GRM7: variants seen among roughly 807,000 people sequenced by gnomAD.
GRM7 encodes the protein glutamate metabotropic receptor 7, also known as metabotropic glutamate receptor 7.
Under a neutral mutation model 84.5 loss-of-function variants are expected in GRM7, and 35 were observed. The ratio of observed to expected loss-of-function variants is 0.41; its 90% CI spans 0.32 to 0.55. The LOEUF (loss-of-function observed/expected upper bound fraction) is 0.55, where lower values mean the gene tolerates loss of function less well. Ranked by LOEUF, GRM7 falls within the 20% of genes least tolerant of loss-of-function variation. GRM7 has a pLI of 0.19. For missense variants in GRM7, 1,003 were observed against 1,194.6 expected (o/e 0.84, Z 2.36); for synonymous variants, 487 against 455.1 (o/e 1.07, Z -0.89).
chr3:6,988,824 A>T (rs1694523397), intron 1 of GRM7, among the ~76,000 whole-genome samples: 1 of 152,196 alleles, frequency 6.6e-6, no homozygotes, highest in African/African-American at 2.4e-5. Flanking sequence ...AAAGTTGGCT[A>T]TGTCTTCACT....
At chr3:7,004,073 A>G (rs898716201) in intron 1 of GRM7, among the ~76,000 whole-genome samples, 5 of 152,176 alleles carry the variant, frequency 3.3e-5, no homozygotes, top group Admixed American at 6.5e-5. Flanking sequence ...CCCCCAGAAT[A>G]AGTGATCCCA....
At chr3:7,389,474 C>T (rs1287422324) in intron 4 of GRM7, among the ~76,000 whole-genome samples, 1 of 151,946 alleles carries the variant, frequency 6.6e-6, no homozygotes, top group Non-Finnish European at 1.5e-5. Context: ...AAGTTTCCCA[C>T]TCTTATTTTG....
intron 8 of GRM7, among the ~76,000 whole-genome samples, chr3:7,585,604 G>A (rs1244795011): frequency 6.6e-6 from 1 of 151,966 alleles, no homozygotes; most frequent in Non-Finnish European, 1.5e-5. Flanking sequence ...CTGCTAAAAG[G>A]GAAGACTCAA....
intron 2 of GRM7, among the ~76,000 whole-genome samples, chr3:7,176,697 T>A (rs771556443): frequency 2.6e-5 from 4 of 152,194 alleles, no homozygotes. Context: ...TGTCTCTTCC[T>A]TGTCTCTTAG....
chr3:7,386,103 C>A (rs1485426799), intron 4 of GRM7, among the ~76,000 whole-genome samples: 1 of 152,124 alleles, frequency 6.6e-6, no homozygotes, highest in Non-Finnish European at 1.5e-5. Context: ...GATTACCATG[C>A]AAGCCAAAAT....
At chr3:7,262,498 G>A (rs1352302001) in intron 2 of GRM7, among the ~76,000 whole-genome samples, 1 of 152,114 alleles carries the variant, frequency 6.6e-6, no homozygotes, top group Admixed American at 6.5e-5. Flanking sequence ...GTCAGTTTCG[G>A]TATCATTTTA....
intron 9 of GRM7, among the ~76,000 whole-genome samples, chr3:7,702,487 C>G (rs910498428): frequency 6.6e-6 from 1 of 152,218 alleles, no homozygotes; most frequent in Non-Finnish European, 1.5e-5. Flanking sequence ...ACATTTTAAT[C>G]TGGCTTCAAA....
At chr3:7,007,067 A>G (rs338090) in intron 1 of GRM7, among the ~76,000 whole-genome samples, 151,302 of 152,308 alleles carry the variant, frequency 0.99, 75,157 homozygotes, top group African/African-American at 1. Context: ...ATATTGGTTC[A>G]AGGTATTTCT....
chr3:7,347,196 C>T (rs1267878135), intron 4 of GRM7, among the ~76,000 whole-genome samples: 1 of 151,920 alleles, frequency 6.6e-6, no homozygotes, highest in South Asian at 2.1e-4. Flanking sequence ...AAGATGGCTC[C>T]GAAATTTAAA....
chr3:7,508,589 T>C (rs1700103858), intron 7 of GRM7, among the ~76,000 whole-genome samples: 1 of 152,174 alleles, frequency 6.6e-6, no homozygotes, highest in African/African-American at 2.4e-5. Flanking sequence ...AGCAATATCA[T>C]GGTGAGTCTG....
At chr3:7,542,051 T>C (rs1206254576) in intron 7 of GRM7, among the ~76,000 whole-genome samples, 1 of 152,148 alleles carries the variant, frequency 6.6e-6, no homozygotes. Flanking sequence ...TGTCTCTTTG[T>C]CTCTATTTTC....
chr3:7,431,630 T>C (rs1696833846), intron 5 of GRM7, among the ~76,000 whole-genome samples: 1 of 152,230 alleles, frequency 6.6e-6, no homozygotes. Context: ...AAGTCTCAGT[T>C]TTCTTGCCCA....
chr3:7,302,524 C>T (rs1700038212), intron 3 of GRM7, among the ~76,000 whole-genome samples: 1 of 152,032 alleles, frequency 6.6e-6, no homozygotes, highest in African/African-American at 2.4e-5. Flanking sequence ...TTCGTCAGCA[C>T]CTCCCCAAAC....
At chr3:7,432,553 C>G (rs1300448631) in intron 5 of GRM7, among the ~76,000 whole-genome samples, 1 of 151,952 alleles carries the variant, frequency 6.6e-6, no homozygotes, top group African/African-American at 2.4e-5. Context: ...AACTCCTAAC[C>G]TCAGGCAATC....
intron 2 of GRM7, among the ~76,000 whole-genome samples, chr3:7,161,993 A>G (rs996570361): frequency 6.6e-6 from 1 of 152,212 alleles, no homozygotes; most frequent in African/African-American, 2.4e-5. Flanking sequence ...GAGCTTGCTA[A>G]TTACTTGGCT....
chr3:7,169,176 T>A (rs746368156), intron 2 of GRM7, among the ~76,000 whole-genome samples: 1 of 152,098 alleles, frequency 6.6e-6, no homozygotes, highest in African/African-American at 2.4e-5. Flanking sequence ...TTGTCCGGGG[T>A]CATCAAATGC....
chr3:7,725,447 A>T (rs1298999539), intron 9 of GRM7, among the ~76,000 whole-genome samples: 1 of 151,844 alleles, frequency 6.6e-6, no homozygotes, highest in East Asian at 1.9e-4. Flanking sequence ...TCTTCCTTCC[A>T]TTTCTATATT....
chr3:7,558,515 T>C (rs1693871720), intron 7 of GRM7, among the ~76,000 whole-genome samples: 1 of 152,062 alleles, frequency 6.6e-6, no homozygotes, highest in Non-Finnish European at 1.5e-5. Flanking sequence ...TATCCCAGTG[T>C]GAGGGAAGGG....
At chr3:7,295,421 G>C (rs1383286118) in intron 2 of GRM7, among the ~76,000 whole-genome samples, 2 of 152,056 alleles carry the variant, frequency 1.3e-5, no homozygotes, top group Non-Finnish European at 2.9e-5. Context: ...AACTTAAGTG[G>C]TGTGAATATC....
Sources: gnomAD v4.1 joint callset for allele counts (sites outside exome capture counted in the v4.1 genomes callset) on GRCh38, gnomAD v4.1.1 for gene constraint, MANE v1.5 for transcripts, NCBI Gene and HGNC (gene_info 2026-07-23, HGNC 2026-07-21) for gene names.